The following PCSK2 variants were observed in gnomAD, a reference collection of about 807,000 sequenced individuals.
PCSK2 encodes the protein proprotein convertase subtilisin/kexin type 2, also known as neuroendocrine convertase 2.
In PCSK2, 14 loss-of-function variants were observed where a neutral mutation model predicts 69.7. That is an observed-to-expected ratio of 0.20 (90% CI 0.13 to 0.31). The LOEUF (loss-of-function observed/expected upper bound fraction) is 0.31, where lower values mean the gene tolerates loss of function less well. Among genes scored for constraint, PCSK2 ranks in the 10% least tolerant of loss-of-function variants. PCSK2 has a pLI of 1.00. For missense variants in PCSK2, 544 were observed against 842.5 expected, an observed-to-expected ratio of 0.65 and a Z score of 4.39; for synonymous variants, 307 against 320.7, an observed-to-expected ratio of 0.96 and a Z score of 0.46.
At chr20:17,371,776 G>A (rs1290297734) in intron 5 of PCSK2, among the ~76,000 whole-genome samples, 2 of 152,042 alleles carry the variant, frequency 1.3e-5, no homozygotes, top group African/African-American at 2.4e-5. Context: ...GGGCTACATG[G>A]CATTAGCTCA....
intron 5 of PCSK2, among the ~76,000 whole-genome samples, chr20:17,374,058 G>A (rs2030852294): frequency 1.3e-5 from 2 of 152,148 alleles, no homozygotes; most frequent in Admixed American, 1.3e-4. Flanking sequence ...TTTTAGACCA[G>A]GTTAAAATTA....
At chr20:17,248,846 G>A (rs1986865175) in intron 1 of PCSK2, among the ~76,000 whole-genome samples, 1 of 152,166 alleles carries the variant, frequency 6.6e-6, no homozygotes, top group Non-Finnish European at 1.5e-5. Flanking sequence ...TGGATTCCTA[G>A]TCATGGTTAC....
chr20:17,393,555 A>G (rs1476473250), intron 5 of PCSK2, among the ~76,000 whole-genome samples: 1 of 152,168 alleles, frequency 6.6e-6, no homozygotes, highest in East Asian at 1.9e-4. Flanking sequence ...AAAGATGAAT[A>G]TTTTTAAATT....
intron 2 of PCSK2, among the ~76,000 whole-genome samples, chr20:17,296,092 C>T (rs981328630): frequency 4.6e-5 from 7 of 152,104 alleles, no homozygotes; most frequent in Non-Finnish European, 7.4e-5. Context: ...GGTGTCTGTC[C>T]GATTTTACTG....
chr20:17,354,485 AT>A (rs1365358759), intron 2 of PCSK2, among the ~76,000 whole-genome samples: 1 of 152,164 alleles, frequency 6.6e-6, no homozygotes, highest in African/African-American at 2.4e-5. Context: ...ACTCGGAAAT[AT>A]TTCTCTGACA....
intron 5 of PCSK2, among the ~76,000 whole-genome samples, chr20:17,401,757 C>T (rs2031642479): frequency 6.6e-6 from 1 of 152,124 alleles, no homozygotes; most frequent in Non-Finnish European, 1.5e-5. Context: ...TGATGATATG[C>T]TCACAGGTAC....
intron 1 of PCSK2, among the ~76,000 whole-genome samples, chr20:17,244,979 A>G (rs1986718951): frequency 6.6e-6 from 1 of 152,064 alleles, no homozygotes; most frequent in South Asian, 2.1e-4. Context: ...TTTCTTTAGT[A>G]TCTCCTCCTC....
rs186850044 is a variant in PCSK2, at chr20:17,414,577, C to T, written c.620+5238C>T. 1.1e-3 allele frequency among the ~76,000 whole-genome samples: 161 copies of T among 152,214 alleles called. 2 individuals are homozygous for T. Among genetic ancestry groups the T allele is most frequent in the Admixed American group, 5.5e-3 (84 of 15,276 alleles). Reference sequence around the variant, plus strand: ...CAACCAAAAAAAGTCCAGGACCAGACGGATTCACAGCCAAATTCTACCAGA... The same window carrying T: ...CAACCAAAAAAAGTCCAGGACCAGATGGATTCACAGCCAAATTCTACCAGA... On this transcript the variant is annotated intron_variant, in intron 6 of 11. Transcript: ENST00000262545.
At chr20:17,397,110 A>T (rs1012307032) in intron 5 of PCSK2, among the ~76,000 whole-genome samples, 15 of 152,244 alleles carry the variant, frequency 9.9e-5, no homozygotes, top group African/African-American at 3.6e-4. Context: ...AATCCAAATT[A>T]CACCTTACTA....
intron 2 of PCSK2, among the ~76,000 whole-genome samples, chr20:17,347,888 GAA>G (rs1313393706): frequency 4.0e-3 from 17 of 4,276 alleles, no homozygotes; most frequent in Admixed American, 8.7e-3. Flanking sequence ...AAGAAAGAAA[GAA>G]AGAAAGAAAG....
chr20:17,429,315 G>C, intron 6 of PCSK2, 120 bp from the exon 7 acceptor site: 1 of 735,078 alleles, frequency 1.4e-6, no homozygotes, highest in Non-Finnish European at 2.4e-6. Context: ...AGTGACACAG[G>C]GTTTACTTGT....
intron 11 of PCSK2, among the ~76,000 whole-genome samples, chr20:17,468,390 C>T (rs1312566870): frequency 1.4e-5 from 2 of 144,838 alleles, no homozygotes; most frequent in Non-Finnish European, 3.0e-5. Context: ...GGCCAGCATC[C>T]TCCACGGGCC....
intron 2 of PCSK2, among the ~76,000 whole-genome samples, chr20:17,349,995 T>C (rs2029928465): frequency 6.6e-6 from 1 of 152,020 alleles, no homozygotes; most frequent in Non-Finnish European, 1.5e-5. Flanking sequence ...CTTGTAGTGA[T>C]GTTAACTCCA....
intron 2 of PCSK2, among the ~76,000 whole-genome samples, chr20:17,326,067 C>T (rs1255740782): frequency 6.6e-6 from 1 of 152,244 alleles, no homozygotes; most frequent in Non-Finnish European, 1.5e-5. Context: ...ATCTCTTCTG[C>T]CCCCATGCCA....
In PCSK2 at chr20:17,365,368, T is replaced by C. The variant is rs537471858; in HGVS notation, c.506-3872T>C. ...TAAAGGCCCCACTTCAAAATACTAT[T>C]GCAACTAGGGATTAAGTTTCAACAT... is the stretch of plus-strand genomic sequence containing the variant. On this transcript the variant is annotated intron_variant, in intron 4 of 11. Coordinates refer to ENST00000262545, the MANE Select transcript of PCSK2 (RefSeq NM_002594.5). Among the ~76,000 whole-genome samples, 545 of 152,264 alleles carry C rather than the reference T, an allele frequency of 3.6e-3. 3 individuals are homozygous for C. The highest frequency in any genetic ancestry group is 0.012 in the African/African-American group (512 of 41,554).
At chr20:17,323,746 C>A (rs2075893553) in intron 2 of PCSK2, among the ~76,000 whole-genome samples, 1 of 152,228 alleles carries the variant, frequency 6.6e-6, no homozygotes, top group African/African-American at 2.4e-5. Flanking sequence ...TTTTCTACAG[C>A]CTCCAGCCTA....
chr20:17,457,396 G>T (rs990089024), intron 10 of PCSK2, among the ~76,000 whole-genome samples: 12 of 152,174 alleles, frequency 7.9e-5, no homozygotes, highest in Non-Finnish European at 1.5e-4. Flanking sequence ...GCAGGAGTTG[G>T]TTCCTAGAAT....
At chr20:17,247,036 T>G (rs1438858680) in intron 1 of PCSK2, among the ~76,000 whole-genome samples, 2 of 152,170 alleles carry the variant, frequency 1.3e-5, no homozygotes, top group Non-Finnish European at 2.9e-5. Context: ...AGTAATCATC[T>G]CTGGGCAGAT....
chr20:17,275,468 G>A (rs1200070936), intron 2 of PCSK2, among the ~76,000 whole-genome samples: 2 of 152,044 alleles, frequency 1.3e-5, no homozygotes, highest in Non-Finnish European at 2.9e-5. Context: ...ATTACATGGG[G>A]TTACTCTGGC....
Sources: gnomAD v4.1 joint callset for allele counts (sites outside exome capture counted in the v4.1 genomes callset) on GRCh38, gnomAD v4.1.1 for gene constraint, MANE v1.5 for transcripts, NCBI Gene and HGNC (gene_info 2026-07-23, HGNC 2026-07-21) for gene names.